CELF2: variants seen among roughly 807,000 people sequenced by gnomAD.
The protein encoded by CELF2 is CUGBP Elav-like family member 2.
A neutral mutation model predicts 62.6 loss-of-function variants in CELF2; 8 were observed. That is an observed-to-expected ratio of 0.13 (90% confidence interval 0.07 to 0.23). CELF2 has a LOEUF of 0.23. Ranked by LOEUF, CELF2 falls within the 10% of genes least tolerant of loss-of-function variation. CELF2 has a pLI of 1.00. For synonymous variants in CELF2, 258 were observed against 250.0 expected (o/e 1.03, Z -0.30); for missense variants, 333 against 671.0 (o/e 0.50, Z 5.56).
At chr10:11,327,208 T>G (rs988159830) in intron 12 of CELF2, among the ~76,000 whole-genome samples, 22 of 135,320 alleles carry the variant, frequency 1.6e-4, no homozygotes, top group Non-Finnish European at 2.6e-4. Context: ...GGCGGGGGGG[T>G]GTGTCTGAGC....
At chr10:10,483,499 G>A in the CELF2 span, among the ~76,000 whole-genome samples, 4 of 152,242 alleles carry the variant, frequency 2.6e-5, no homozygotes, top group South Asian at 6.2e-4. Flanking sequence ...TGGGTAAAAT[G>A]TTCTATTAGC....
In CELF2 at chr10:11,311,852, G is replaced by A. The variant is rs1309934478; in HGVS notation, c.977-2287G>A. ...CTAGCTAAATTCCTAGTGGAAAGGA[G>A]AAAGAGAATGGGGGAAAGTCAATAT... On this transcript the variant is annotated intron_variant, in intron 9 of 12. Coordinates refer to ENST00000633077, the MANE Select transcript of CELF2 (RefSeq NM_001326342.2). The surrounding 1 kb of genome is among the most constrained non-coding windows in gnomAD (Gnocchi z 4.7). Among the ~76,000 whole-genome samples the A allele has an allele frequency of 6.6e-6, 1 of 152,130 alleles. No homozygotes were observed. Among genetic ancestry groups the A allele is most frequent in the Admixed American group, 6.5e-5 (1 of 15,292 alleles).
chr10:11,177,590 C>T lies in CELF2; in HGVS notation c.271+11908C>T, dbSNP rs1412044401. The stretch of plus-strand genomic sequence containing the variant: ...TTCCATGAGTCAGGGAGAAAACAGA[C>T]CAGCCTGGTTTCACGTTCCAGACAG... On this transcript the variant is annotated intron_variant, in intron 2 of 12. Coordinates refer to ENST00000633077, the MANE Select transcript of CELF2 (RefSeq NM_001326342.2). This position sits in a 1 kb window ranked among gnomAD's most constrained non-coding sequence, Gnocchi z 4.8. 6.6e-6 allele frequency among the ~76,000 whole-genome samples: 1 copy of T among 152,130 alleles called. No individual in the cohort carries two copies. The highest frequency in any genetic ancestry group is 1.5e-5 in the Non-Finnish European group (1 of 68,026).
intron 2 of CELF2, among the ~76,000 whole-genome samples, chr10:11,172,547 C>T (rs2069270025): frequency 6.6e-6 from 1 of 152,166 alleles, no homozygotes; most frequent in African/African-American, 2.4e-5. Flanking sequence ...TTTAAATGCC[C>T]CATACTCTGG....
the CELF2 span, among the ~76,000 whole-genome samples, chr10:10,658,873 G>A: frequency 8.5e-4 from 130 of 152,182 alleles, no homozygotes; most frequent in Non-Finnish European, 6.2e-4. Flanking sequence ...AACACAGAGA[G>A]AATATCTAGG....
the CELF2 span, among the ~76,000 whole-genome samples, chr10:10,768,180 A>C: frequency 1.3e-5 from 2 of 151,794 alleles, no homozygotes; most frequent in Non-Finnish European, 2.9e-5. Flanking sequence ...AAAAAAAAAA[A>C]ACCAAAAAAC....
At chr10:11,095,412 C>T (rs977886328) in intron 1 of CELF2, among the ~76,000 whole-genome samples, 17 of 152,160 alleles carry the variant, frequency 1.1e-4, no homozygotes, top group Non-Finnish European at 1.9e-4. Flanking sequence ...GAGTCCCATC[C>T]GTGACTGTAT....
the CELF2 span, among the ~76,000 whole-genome samples, chr10:10,563,957 C>T: frequency 0.012 from 1,800 of 152,258 alleles, 61 homozygotes; most frequent in East Asian, 0.096. Context: ...TGGTTCAACA[C>T]GCAAGAGTGT....
At chr10:11,271,512 G>A (rs967609060) in intron 7 of CELF2, among the ~76,000 whole-genome samples, 3 of 152,232 alleles carry the variant, frequency 2.0e-5, no homozygotes, top group African/African-American at 7.2e-5. Context: ...TGGAGCTTGA[G>A]AGCGGCGTTT....
chr10:10,661,016 A>G, the CELF2 span, among the ~76,000 whole-genome samples: 1 of 151,726 alleles, frequency 6.6e-6, no homozygotes, highest in Non-Finnish European at 1.5e-5. Flanking sequence ...TCAGAAAAAG[A>G]TTTTTTTTTA....
intron 5 of CELF2, among the ~76,000 whole-genome samples, chr10:11,263,489 T>A (rs979226882): frequency 2.6e-5 from 4 of 152,188 alleles, no homozygotes; most frequent in African/African-American, 9.7e-5. Flanking sequence ...GTAGCCAAAT[T>A]GCTGATTGCT....
At chr10:11,082,949 CT>C (rs1428479400) in intron 1 of CELF2, among the ~76,000 whole-genome samples, 8 of 152,214 alleles carry the variant, frequency 5.3e-5, no homozygotes, top group African/African-American at 1.9e-4. Context: ...GGTGAAGTTA[CT>C]TTTTCCTAAT....
chr10:10,748,464 T>G, the CELF2 span, among the ~76,000 whole-genome samples: 1 of 152,100 alleles, frequency 6.6e-6, no homozygotes, highest in Non-Finnish European at 1.5e-5. Flanking sequence ...GAATTCTCTC[T>G]GGGGTCTGGC....
chr10:10,599,867 G>A, the CELF2 span, among the ~76,000 whole-genome samples: 1 of 151,784 alleles, frequency 6.6e-6, no homozygotes, highest in African/African-American at 2.4e-5. Context: ...GAGTAGCTGG[G>A]ACTACAGGAG....
the CELF2 span, among the ~76,000 whole-genome samples, chr10:10,743,436 G>A: frequency 6.6e-6 from 1 of 152,200 alleles, no homozygotes; most frequent in Non-Finnish European, 1.5e-5. Flanking sequence ...TTGAGAAACT[G>A]AGAATAGCTC....
intron 1 of CELF2, chr10:10,846,198 C>T: frequency 1.3e-6 from 1 of 774,668 alleles, no homozygotes; most frequent in Non-Finnish European, 1.6e-6. Context: ...TAAGACTTGG[C>T]ATTTTTGTGA....
the CELF2 span, among the ~76,000 whole-genome samples, chr10:10,477,634 A>G: frequency 1.3e-5 from 2 of 152,138 alleles, no homozygotes; most frequent in South Asian, 2.1e-4. Flanking sequence ...AAAAGTAAAT[A>G]GGATTAAGAG....
Position 10,917,309 on chromosome 10 carries a change from A to T in CELF2, c.54-2655A>T, listed in dbSNP as rs142144958. Among the ~76,000 whole-genome samples, 1,270 of 152,240 alleles carry T rather than the reference A, an allele frequency of 8.3e-3. 2 individuals are homozygous for T. The highest frequency in any genetic ancestry group is 0.011 in the African/African-American group (438 of 41,566). On this transcript the variant is annotated intron_variant, in intron 1 of 13. Transcript: ENST00000636488. ...TTTGAAACAGAGGTCAATTATGGAC[A>T]TTTCTATTGCAGTGGATTGTTGTTT...
the CELF2 span, among the ~76,000 whole-genome samples, chr10:10,661,669 A>G: frequency 6.6e-6 from 1 of 152,234 alleles, no homozygotes; most frequent in African/African-American, 2.4e-5. Context: ...TGAAAGTTAG[A>G]ACATCATCAT....
Sources: gnomAD v4.1 joint callset for allele counts (sites outside exome capture counted in the v4.1 genomes callset) on GRCh38, gnomAD v4.1.1 for gene constraint, Gnocchi (gnomAD v3.1) non-coding constraint, MANE v1.5 for transcripts, NCBI Gene and HGNC (gene_info 2026-07-23, HGNC 2026-07-21) for gene names.